The following UTRN variants were observed in gnomAD, a reference collection of about 807,000 sequenced individuals.
The protein encoded by UTRN is utrophin.
In UTRN, 283 loss-of-function variants were observed where a neutral mutation model predicts 463.9. That is an observed-to-expected ratio of 0.61 (90% CI 0.55 to 0.67). UTRN has a LOEUF of 0.67. Ranked by LOEUF, UTRN falls within the 30% of genes least tolerant of loss-of-function variation. The pLI is 0.00. For synonymous variants in UTRN, 1,442 were observed against 1,431.5 expected, an observed-to-expected ratio of 1.01 and a Z score of -0.17; for missense variants, 3,922 against 4,084.3, an observed-to-expected ratio of 0.96 and a Z score of 1.08.
Position 144,447,747 on chromosome 6 carries a change from C to G in UTRN, c.1868C>G (p.Ser623Cys). Reference protein sequence around the residue: ...DSEELTQRWDSLVQRLEDSSN... With the variant: ...DSEELTQRWDCLVQRLEDSSN... Reference sequence around the variant, plus strand: ...GAGGAACTGACTCAAAGATGGGATTCTTTGGTTCAGAGACTAGAAGATTCC... The same window carrying G: ...GAGGAACTGACTCAAAGATGGGATTGTTTGGTTCAGAGACTAGAAGATTCC... Residue 623 changes from serine (S) to cysteine (C), a missense_variant, in exon 16 of 75, where the codon TCT becomes TGT. Coordinates refer to ENST00000367545, the MANE Select transcript of UTRN (RefSeq NM_007124.3). 1 of 1,613,750 alleles carries G rather than the reference C, an allele frequency of 6.2e-7. No homozygotes were observed. Among genetic ancestry groups the G allele is most frequent in the South Asian group, 1.1e-5 (1 of 90,988 alleles).
At chr6:144,512,606 T>C (rs1289678955) in intron 35 of UTRN, among the ~76,000 whole-genome samples, 1 of 151,700 alleles carries the variant, frequency 6.6e-6, no homozygotes, top group Non-Finnish European at 1.5e-5. Context: ...CATGCTGGAG[T>C]GCAGTGGTAT....
chr6:144,637,507 T>C (rs1478139192), intron 51 of UTRN, among the ~76,000 whole-genome samples: 3 of 152,034 alleles, frequency 2.0e-5, no homozygotes, highest in Admixed American at 1.3e-4. Context: ...TAGATACATG[T>C]TATAACGTGC....
chr6:144,585,010 C>A (rs1802326452), intron 51 of UTRN, among the ~76,000 whole-genome samples: 1 of 151,934 alleles, frequency 6.6e-6, no homozygotes, highest in African/African-American at 2.4e-5. Flanking sequence ...AGAGCAGGGT[C>A]ATTTTCCTGA....
At chr6:144,443,704 C>T (rs1385113418) in intron 13 of UTRN, among the ~76,000 whole-genome samples, 1 of 151,776 alleles carries the variant, frequency 6.6e-6, no homozygotes, top group Non-Finnish European at 1.5e-5. Flanking sequence ...ATTTATGTAA[C>T]TTATGGGGAA....
chr6:144,465,331 C>A (rs1303442594), intron 23 of UTRN, among the ~76,000 whole-genome samples: 2 of 152,124 alleles, frequency 1.3e-5, no homozygotes, highest in African/African-American at 4.8e-5. Flanking sequence ...CAAAAGAGTC[C>A]TGTGGTTATA....
In UTRN at chr6:144,435,986, A is replaced by T. The variant is rs760285638; in HGVS notation, c.907A>T (p.Thr303Ser). 15 of 1,614,224 alleles carry T rather than the reference A, an allele frequency of 9.3e-6. No individual in the cohort carries two copies. Among genetic ancestry groups the T allele is most frequent in the Middle Eastern group, 1.7e-4 (1 of 6,060 alleles). Residue 303 changes from threonine to serine, a missense_variant, in exon 10 of 75, where the codon ACT becomes TCT. This residue lies in a region of UTRN where 2,349 missense variants were observed against 2,303.8 expected (regional missense o/e 1.02). Transcript: ENST00000367545. ...GAGTCCCCGAGCTGAAACTCCCAGC[A>T]CTGTCACTGAGGTTGACATGGATCT... ...HESPRAETPS[T>S]VTEVDMDLDS...
chr6:144,585,380 C>T (rs369768170), intron 51 of UTRN, among the ~76,000 whole-genome samples: 3 of 152,172 alleles, frequency 2.0e-5, no homozygotes, highest in South Asian at 2.1e-4. Flanking sequence ...GCCTGATTAA[C>T]GCAATGAGAA....
At chr6:144,488,964 G>GTCAATCTGA in intron 30 of UTRN, 130 bp downstream of exon 30, 1 of 870,326 alleles carries the variant, frequency 1.1e-6, no homozygotes, top group Non-Finnish European at 1.6e-6. Context: ...TACTTACAGG[G>GTCAATCTGA]CAGCATTTGG....
chr6:144,357,255 A>G (rs1006079661), intron 2 of UTRN, among the ~76,000 whole-genome samples: 8 of 152,154 alleles, frequency 5.3e-5, no homozygotes, highest in African/African-American at 1.9e-4. Context: ...ACTTTGGCTC[A>G]TACCAAATTC....
intron 54 of UTRN, among the ~76,000 whole-genome samples, chr6:144,742,591 T>A (rs1229585658): frequency 6.6e-6 from 1 of 152,114 alleles, no homozygotes; most frequent in African/African-American, 2.4e-5. Flanking sequence ...TATGTGAAAA[T>A]CTCTACAGAT....
intron 23 of UTRN, 57 bp from the exon 24 acceptor site, chr6:144,473,663 A>G: frequency 7.4e-7 from 1 of 1,348,634 alleles, no homozygotes; most frequent in South Asian, 1.3e-5. Context: ...AGATCTTGAG[A>G]TGTAGTAGGC....
intron 65 of UTRN, among the ~76,000 whole-genome samples, chr6:144,804,332 AG>A (rs1777957003): frequency 6.6e-6 from 1 of 152,174 alleles, no homozygotes; most frequent in African/African-American, 2.4e-5. Flanking sequence ...ACCAGGAAAA[AG>A]AAATCTCCCC....
intron 54 of UTRN, among the ~76,000 whole-genome samples, chr6:144,744,444 G>A (rs111912534): frequency 7.0e-6 from 1 of 143,828 alleles, no homozygotes; most frequent in South Asian, 2.2e-4. Context: ...TTTTACTTAT[G>A]TATAATATAT....
At chr6:144,743,290 A>G (rs1790305677) in intron 54 of UTRN, among the ~76,000 whole-genome samples, 1 of 152,248 alleles carries the variant, frequency 6.6e-6, no homozygotes, top group Non-Finnish European at 1.5e-5. Context: ...TTGAGAAAAA[A>G]ACACCATACA....
chr6:144,379,688 AG>A (rs2114733316), intron 2 of UTRN, among the ~76,000 whole-genome samples: 1 of 152,386 alleles, frequency 6.6e-6, no homozygotes, highest in South Asian at 2.1e-4. Context: ...TGGGGAATTA[AG>A]CCCCCCGCTT....
At chr6:144,650,909 AAATAATAAT>A (rs1202015819) in intron 51 of UTRN, among the ~76,000 whole-genome samples, 1 of 147,682 alleles carries the variant, frequency 6.8e-6, no homozygotes, top group Non-Finnish European at 1.5e-5. Flanking sequence ...ACTCTGTCTC[AAATAATAAT>A]AATAATAATA....
intron 51 of UTRN, among the ~76,000 whole-genome samples, chr6:144,600,563 G>A (rs1412747264): frequency 6.6e-6 from 1 of 152,198 alleles, no homozygotes; most frequent in East Asian, 1.9e-4. Context: ...TTCTATGAAG[G>A]CTGAGAGAGT....
chr6:144,498,060 T>G (rs1364552296), intron 33 of UTRN, among the ~76,000 whole-genome samples: 1 of 152,218 alleles, frequency 6.6e-6, no homozygotes, highest in East Asian at 1.9e-4. Context: ...GAAGATGGTA[T>G]TTTGACAGAG....
intron 60 of UTRN, among the ~76,000 whole-genome samples, chr6:144,777,725 G>A (rs911445597): frequency 2.0e-5 from 3 of 152,178 alleles, no homozygotes; most frequent in Non-Finnish European, 4.4e-5. Flanking sequence ...GAAGAAGAAG[G>A]CAGGCTTCCT....
Sources: gnomAD v4.1 joint callset for allele counts (sites outside exome capture counted in the v4.1 genomes callset) on GRCh38, gnomAD v4.1.1 for gene constraint, gnomAD v4.1.1 regional missense constraint, MANE v1.5 for transcripts, NCBI Gene and HGNC (gene_info 2026-07-23, HGNC 2026-07-21) for gene names.